TMEM196: variants seen among roughly 807,000 people sequenced by gnomAD.
TMEM196 encodes transmembrane protein 196.
Under a neutral mutation model 20.0 loss-of-function variants are expected in TMEM196, and 17 were observed. The ratio of observed to expected loss-of-function variants is 0.85; its 90% CI spans 0.58 to 1.27. TMEM196 has a LOEUF of 1.27. Among genes scored for constraint, TMEM196 ranks in the 50% most tolerant of loss-of-function variants. TMEM196 has a pLI of 0.00. For missense variants in TMEM196, 267 were observed against 223.0 expected, an observed-to-expected ratio of 1.20 and a Z score of -1.26; for synonymous variants, 113 against 88.9, an observed-to-expected ratio of 1.27 and a Z score of -1.52.
intron 1 of TMEM196, among the ~76,000 whole-genome samples, chr7:19,765,414 T>C (rs1263260866): frequency 6.6e-6 from 1 of 152,152 alleles, no homozygotes; most frequent in African/African-American, 2.4e-5. Context: ...AGGTATTTAA[T>C]TGAGGTATCT....
intron 1 of TMEM196, among the ~76,000 whole-genome samples, chr7:19,750,155 G>C (rs145567256): frequency 6.6e-6 from 1 of 152,052 alleles, no homozygotes; most frequent in Admixed American, 6.6e-5. Context: ...TCTCCAAAAC[G>C]TTCTGTTGTC....
At position 19,721,481 on chromosome 7, in the gene TMEM196, G is replaced by A. The variant is rs979599996; in HGVS notation, c.*647C>T. On this transcript the variant is annotated 3_prime_UTR_variant, in exon 5 of 5. Transcript: ENST00000405844. The stretch of plus-strand genomic sequence containing the variant: ...AACTTTTCACTCTTTGTGCAAAAAT[G>A]CAAAAATACCATATAGATTAGTATT... The A allele has an allele frequency of 3.3e-5, 5 of 151,880 alleles. No homozygotes were observed. The highest frequency in any genetic ancestry group is 1.2e-4 in the African/African-American group (5 of 41,384). 9.4% of individuals were successfully genotyped at this position (151,880 alleles called of 1,614,324 possible). A position where few individuals can be genotyped will look rare whatever the true frequency, so the allele number is the denominator to read the frequency against.
intron 1 of TMEM196, among the ~76,000 whole-genome samples, chr7:19,730,093 A>G (rs1344138943): frequency 3.3e-5 from 5 of 151,910 alleles, no homozygotes; most frequent in Non-Finnish European, 7.4e-5. Flanking sequence ...CGTCTCTACT[A>G]AAAATACAAA....
chr7:19,741,034 T>G (rs1172565644), intron 1 of TMEM196, among the ~76,000 whole-genome samples: 3 of 152,156 alleles, frequency 2.0e-5, no homozygotes, highest in African/African-American at 7.2e-5. Context: ...TCATAATAGT[T>G]GCTGAAATAA....
rs540791900 is a variant in TMEM196 at position 19,772,537 on chromosome 7, C to A, written c.147+13G>T. The A allele has an allele frequency of 9.8e-6, 15 of 1,537,188 alleles. No individual in the cohort carries two copies. The highest frequency in any genetic ancestry group is 1.3e-5 in the Non-Finnish European group (15 of 1,140,700). ...AGTGAAATGGCTCAACGTACACACA[C>A]CCCGCTCCATACCGGGGACGAGTCT... On this transcript the variant is annotated intron_variant, in intron 1 of 4. Transcript: ENST00000405844.
chr7:19,740,045 A>T (rs1170688689), intron 1 of TMEM196, among the ~76,000 whole-genome samples: 1 of 152,192 alleles, frequency 6.6e-6, no homozygotes, highest in Non-Finnish European at 1.5e-5. Flanking sequence ...CTGCAAGTGT[A>T]CAAACTGATC....
At chr7:19,753,973 C>T (rs1257020969) in intron 1 of TMEM196, among the ~76,000 whole-genome samples, 1 of 152,206 alleles carries the variant, frequency 6.6e-6, no homozygotes, top group Non-Finnish European at 1.5e-5. Flanking sequence ...ACCCTCTTCA[C>T]CTTCCTTGTG....
chr7:19,767,673 G>A (rs191053362), intron 1 of TMEM196, among the ~76,000 whole-genome samples: 45 of 151,818 alleles, frequency 3.0e-4, no homozygotes, highest in African/African-American at 1.1e-3. Flanking sequence ...TTTTAAAATG[G>A]GCCATAAAAA....
intron 1 of TMEM196, among the ~76,000 whole-genome samples, chr7:19,759,841 A>G (rs1785365895): frequency 6.6e-6 from 1 of 152,098 alleles, no homozygotes; most frequent in Non-Finnish European, 1.5e-5. Flanking sequence ...CTGTGCTTCT[A>G]TTTTTTACCA....
chr7:19,729,529 A>G, intron 1 of TMEM196, 91 bp from the exon 2 acceptor site: 12 of 1,152,940 alleles, frequency 1.0e-5, no homozygotes, highest in Non-Finnish European at 1.5e-5. Flanking sequence ...CACTTTCTCC[A>G]GGGAAGATAG....
chr7:19,749,057 C>A (rs1290318355), intron 1 of TMEM196, among the ~76,000 whole-genome samples: 1 of 152,018 alleles, frequency 6.6e-6, no homozygotes, highest in African/African-American at 2.4e-5. Flanking sequence ...ATTTTAATGT[C>A]ATTTTGTTAT....
intron 1 of TMEM196, among the ~76,000 whole-genome samples, chr7:19,758,337 A>G (rs2128035607): frequency 6.6e-6 from 1 of 152,254 alleles, no homozygotes; most frequent in South Asian, 2.1e-4. Flanking sequence ...ACAGGTAGAA[A>G]CCTCTGAAAT....
At chr7:19,731,483 C>T (rs576640765) in intron 1 of TMEM196, among the ~76,000 whole-genome samples, 1 of 152,174 alleles carries the variant, frequency 6.6e-6, no homozygotes, top group Non-Finnish European at 1.5e-5. Flanking sequence ...TTCAGTGCTT[C>T]AAGCTTCAGA....
Position 19,770,671 on chromosome 7 carries a change from A to G in TMEM196, c.147+1879T>C, listed in dbSNP as rs1021973803. On this transcript the variant is annotated intron_variant, in intron 1 of 4. Transcript: ENST00000405844. ...ACCCAAATGAATTTTGCTCACTCTA[A>G]ACAACCAGTTAAAAAAGGAAATAAT... Among the ~76,000 whole-genome samples the G allele has an allele frequency of 2.0e-5, 3 of 152,324 alleles. No individual in the cohort carries two copies. In the East Asian group the frequency reaches 5.8e-4, roughly 29 times the overall value.
At chr7:19,726,747 AC>A (rs1241495546) in intron 2 of TMEM196, among the ~76,000 whole-genome samples, 1 of 152,046 alleles carries the variant, frequency 6.6e-6, no homozygotes, top group African/African-American at 2.4e-5. Flanking sequence ...TAGTCAAATA[AC>A]TTTAATAATT....
chr7:19,763,451 A>C (rs1281110831), intron 1 of TMEM196, among the ~76,000 whole-genome samples: 1 of 152,202 alleles, frequency 6.6e-6, no homozygotes. Context: ...TGTTTGGTAG[A>C]ACAAACAAAA....
rs1783782400 is a variant in TMEM196, at chr7:19,720,578, T to TTGTC, written c.*1546_*1549dup. The TTGTC allele has an allele frequency of 6.6e-6, 1 of 151,988 alleles. No individual in the cohort carries two copies. Among genetic ancestry groups the TTGTC allele is most frequent in the South Asian group, 2.1e-4 (1 of 4,834 alleles). The allele number at this position is 151,988 out of a possible 1,614,324, so 9.4% of individuals were successfully genotyped here. A position where few individuals can be genotyped will look rare whatever the true frequency, so the allele number is the denominator to read the frequency against. ...ATGTATTTAAAAATGATAGATTTCT[T>TTGTC]TGTCTGTTGCCAGAGGTTATATTCT... On this transcript the variant is annotated 3_prime_UTR_variant, in exon 5 of 5. Coordinates refer to ENST00000405844, the MANE Select transcript of TMEM196 (RefSeq NM_001363562.2).
At chr7:19,723,330 A>G (rs1783876203) in intron 4 of TMEM196, among the ~76,000 whole-genome samples, 1 of 152,128 alleles carries the variant, frequency 6.6e-6, no homozygotes. Context: ...GAGAAAAATC[A>G]AATTTCTAAT....
At chr7:19,734,297 A>C (rs954231273) in intron 1 of TMEM196, among the ~76,000 whole-genome samples, 3 of 152,232 alleles carry the variant, frequency 2.0e-5, no homozygotes, top group Non-Finnish European at 4.4e-5. Context: ...TATCCAGCCA[A>C]ACTCTTACTT....
Sources: allele counts gnomAD v4.1 joint callset (sites outside exome capture counted in the v4.1 genomes callset), GRCh38; gene constraint gnomAD v4.1.1; transcripts MANE v1.5; gene names NCBI Gene and HGNC (gene_info 2026-07-23, HGNC 2026-07-21).